Variants in WDR27 observed in about 807,000 individuals in gnomAD.
The protein encoded by WDR27 is WD repeat-containing protein 27.
Under a neutral mutation model 114.4 loss-of-function variants are expected in WDR27, and 100 were observed. The observed-to-expected ratio is 0.87, with a 90% CI of 0.74 to 1.03. The LOEUF (loss-of-function observed/expected upper bound fraction) is 1.03, where lower values mean the gene tolerates loss of function less well. Ranked by LOEUF, WDR27 falls within the 50% of genes least tolerant of loss-of-function variation. The pLI, the probability that WDR27 is intolerant of heterozygous loss-of-function variation, is 0.00. For synonymous variants in WDR27, 449 were observed against 423.1 expected, an observed-to-expected ratio of 1.06 and a Z score of -0.75; for missense variants, 1,129 against 1,092.9, an observed-to-expected ratio of 1.03 and a Z score of -0.47.
intron 21 of WDR27, among the ~76,000 whole-genome samples, chr6:169,618,634 A>AAG (rs1423193174): frequency 7.2e-6 from 1 of 139,024 alleles, no homozygotes; most frequent in African/African-American, 3.2e-5. Flanking sequence ...CTGCAAAAAA[A>AAG]AAAAAAAAAA....
At chr6:169,473,367 G>A (rs1304801071) in intron 25 of WDR27, among the ~76,000 whole-genome samples, 1 of 152,166 alleles carries the variant, frequency 6.6e-6, no homozygotes, top group African/African-American at 2.4e-5. Flanking sequence ...ATGAACTAGT[G>A]TTGAGCTTTA....
chr6:169,583,605 A>C (rs1265826415), intron 23 of WDR27, among the ~76,000 whole-genome samples: 1 of 151,152 alleles, frequency 6.6e-6, no homozygotes, highest in Non-Finnish European at 1.5e-5. Context: ...AAAATCTGTT[A>C]TCAGATACCA....
chr6:169,441,556 A>G, the WDR27 span, among the ~76,000 whole-genome samples: 1 of 152,058 alleles, frequency 6.6e-6, no homozygotes, highest in East Asian at 1.9e-4. Flanking sequence ...CCCAGCGACA[A>G]TCTCACCAGC....
intron 25 of WDR27, among the ~76,000 whole-genome samples, chr6:169,518,171 G>A (rs1226278193): frequency 6.6e-6 from 1 of 152,186 alleles, no homozygotes; most frequent in Non-Finnish European, 1.5e-5. Context: ...CTAGGCACAG[G>A]GTGCAAGCTG....
intron 25 of WDR27, among the ~76,000 whole-genome samples, chr6:169,457,981 G>GAGGAGGAGGAGT: frequency 6.7e-6 from 1 of 149,708 alleles, no homozygotes; most frequent in South Asian, 2.1e-4. Context: ...GACGGAGGAG[G>GAGGAGGAGGAGT]AGGAGGAGGA....
intron 25 of WDR27, among the ~76,000 whole-genome samples, chr6:169,564,009 G>T (rs572929183): frequency 6.6e-6 from 1 of 152,166 alleles, no homozygotes; most frequent in African/African-American, 2.4e-5. Flanking sequence ...ATCACCAGGC[G>T]AAGTCCCACA....
intron 25 of WDR27, among the ~76,000 whole-genome samples, chr6:169,564,654 A>G (rs1584249942): frequency 6.6e-6 from 1 of 152,224 alleles, no homozygotes; most frequent in African/African-American, 2.4e-5. Context: ...AGCTGGAGGC[A>G]GCTCTACCAC....
the WDR27 span, among the ~76,000 whole-genome samples, chr6:169,436,298 T>C: frequency 1.3e-5 from 2 of 152,286 alleles, no homozygotes; most frequent in East Asian, 1.9e-4. Flanking sequence ...TTTTCCTGAG[T>C]TTATTGGTCA....
the WDR27 span, among the ~76,000 whole-genome samples, chr6:169,435,443 T>A: frequency 1.3e-5 from 2 of 152,152 alleles, no homozygotes; most frequent in African/African-American, 4.8e-5. Flanking sequence ...TGCCAGCCCA[T>A]GAAAGCAGCT....
chr6:169,512,401 G>C (rs1793014701), intron 25 of WDR27, among the ~76,000 whole-genome samples: 1 of 151,784 alleles, frequency 6.6e-6, no homozygotes, highest in Non-Finnish European at 1.5e-5. Flanking sequence ...ATTTTTAAAG[G>C]GTTCTTTATC....
At chr6:169,556,433 G>A (rs181590525) in intron 25 of WDR27, among the ~76,000 whole-genome samples, 4 of 152,282 alleles carry the variant, frequency 2.6e-5, no homozygotes, top group Non-Finnish European at 5.9e-5. Context: ...GATAAAGAGG[G>A]TGTGGTTTCA....
the WDR27 span, among the ~76,000 whole-genome samples, chr6:169,428,831 T>C: frequency 6.6e-6 from 1 of 152,190 alleles, no homozygotes; most frequent in Non-Finnish European, 1.5e-5. Flanking sequence ...TTCCTTTCTC[T>C]GAGCCGCTCC....
At chr6:169,564,884 G>A (rs949221774) in intron 25 of WDR27, among the ~76,000 whole-genome samples, 4 of 152,192 alleles carry the variant, frequency 2.6e-5, no homozygotes, top group African/African-American at 9.7e-5. Flanking sequence ...ATGAACGCCC[G>A]CGTCCTCATG....
At chr6:169,449,561 G>A in the WDR27 span, among the ~76,000 whole-genome samples, 10 of 152,302 alleles carry the variant, frequency 6.6e-5, no homozygotes, top group South Asian at 1.9e-3. Context: ...CTGAGCAGCC[G>A]TGTGGGCACC....
chr6:169,497,891 C>A (rs1487399706), intron 25 of WDR27, among the ~76,000 whole-genome samples: 1 of 151,756 alleles, frequency 6.6e-6, no homozygotes, highest in Non-Finnish European at 1.5e-5. Context: ...TTCAGCAATT[C>A]CACTTCTGGA....
In WDR27 at chr6:169,670,667, C is replaced by T. The variant is rs556268361; in HGVS notation, c.358G>A (p.Gly120Ser). 43 of 1,613,960 alleles carry T rather than the reference C, an allele frequency of 2.7e-5. 1 individual carries two copies. In the East Asian group the frequency reaches 8.9e-4, roughly 33 times the overall value. The change falls in exon 4 of 26, where the codon GGC becomes AGC. Residue 120 changes from glycine to serine, a missense_variant. By Grantham distance (56) the Gly-to-Ser change is moderately conservative. Transcript: ENST00000448612. ...CACAGCACCTTTCCCAAAAGCGAGC[C>T]CATGACAGTCCCTCGAGGGACCAGC... is the stretch of plus-strand genomic sequence containing the variant. Reference protein sequence around the residue: ...QGLVPRGTVMGSLLGKVLCLQ... With the variant: ...QGLVPRGTVMSSLLGKVLCLQ...
intron 23 of WDR27, among the ~76,000 whole-genome samples, chr6:169,586,003 C>T (rs746485456): frequency 6.6e-6 from 1 of 152,126 alleles, no homozygotes; most frequent in Non-Finnish European, 1.5e-5. Context: ...TAGAAGGATC[C>T]GTGTCGTGAA....
intron 25 of WDR27, among the ~76,000 whole-genome samples, chr6:169,488,360 A>T (rs536440277): frequency 6.6e-6 from 1 of 152,362 alleles, no homozygotes; most frequent in East Asian, 1.9e-4. Context: ...AAAGGAAATT[A>T]CTATTCAGCC....
intron 23 of WDR27, among the ~76,000 whole-genome samples, chr6:169,595,719 A>T (rs1452792194): frequency 2.6e-5 from 4 of 151,558 alleles, no homozygotes; most frequent in African/African-American, 9.7e-5. Context: ...ATAGTTAAAC[A>T]TATTCAGTGC....
Sources: allele counts gnomAD v4.1 joint callset (sites outside exome capture counted in the v4.1 genomes callset), GRCh38; gene constraint gnomAD v4.1.1; transcripts MANE v1.5; gene names NCBI Gene and HGNC (gene_info 2026-07-23, HGNC 2026-07-21).